The following MAGI3 variants were observed in gnomAD, a reference collection of about 807,000 sequenced individuals.
MAGI3 encodes the protein membrane-associated guanylate kinase, WW and PDZ domain-containing protein 3.
MAGI3 carries 43 observed loss-of-function variants against 121.8 expected under a neutral mutation model. The observed-to-expected ratio is 0.35, with a 90% confidence interval of 0.28 to 0.46. MAGI3 has a LOEUF of 0.46. Among genes scored for constraint, MAGI3 ranks in the 20% least tolerant of loss-of-function variants. The pLI is 1.00. For missense variants in MAGI3, 1,547 were observed against 1,797.3 expected (o/e 0.86, Z 2.52); for synonymous variants, 553 against 639.3 (o/e 0.86, Z 2.04).
chr1:113,409,840 C>T (rs1651884495), intron 1 of MAGI3, among the ~76,000 whole-genome samples: 1 of 152,080 alleles, frequency 6.6e-6, no homozygotes, highest in African/African-American at 2.4e-5. Context: ...TTATACTATA[C>T]TGATGTGAGG....
chr1:113,484,713 C>CTCCCTTCCCTTCACTTCCCT (rs1656287281), intron 1 of MAGI3, among the ~76,000 whole-genome samples: 1 of 17,694 alleles, frequency 5.7e-5, no homozygotes, highest in Non-Finnish European at 8.7e-5. Context: ...CTCCCCTCCC[C>CTCCCTTCCCTTCACTTCCCT]TCCCTTCCCT....
At chr1:113,516,151 A>G (rs1409230077) in intron 1 of MAGI3, among the ~76,000 whole-genome samples, 2 of 152,060 alleles carry the variant, frequency 1.3e-5, no homozygotes, top group Admixed American at 6.6e-5. Flanking sequence ...ATCAATATGT[A>G]TATAGTACAT....
intron 1 of MAGI3, among the ~76,000 whole-genome samples, chr1:113,416,572 A>G (rs1652462625): frequency 7.8e-6 from 1 of 128,096 alleles, no homozygotes; most frequent in Non-Finnish European, 1.8e-5. Context: ...CGTGGAAACC[A>G]TTAAAGGAAG....
At chr1:113,440,093 TA>T (rs1458845107) in intron 1 of MAGI3, among the ~76,000 whole-genome samples, 3 of 152,126 alleles carry the variant, frequency 2.0e-5, no homozygotes, top group African/African-American at 7.2e-5. Flanking sequence ...TTCCCCCCTT[TA>T]AAAAATGTGG....
At chr1:113,611,277 G>A (rs1230849722) in intron 6 of MAGI3, among the ~76,000 whole-genome samples, 1 of 151,732 alleles carries the variant, frequency 6.6e-6, no homozygotes, top group Non-Finnish European at 1.5e-5. Context: ...AGTAGAGATA[G>A]GGGTTTCACC....
At chr1:113,581,120 A>G (rs1423712133) in intron 3 of MAGI3, 4 of 152,348 alleles carry the variant, frequency 2.6e-5, no homozygotes, top group Non-Finnish European at 5.9e-5. Context: ...TGTTTCCTCT[A>G]CCCACTTGAT....
At chr1:113,565,217 A>G (rs1570871312) in intron 2 of MAGI3, among the ~76,000 whole-genome samples, 1 of 152,172 alleles carries the variant, frequency 6.6e-6, no homozygotes, top group Non-Finnish European at 1.5e-5. Context: ...TTGTTTGGTG[A>G]TAAATATGCC....
chr1:113,488,031 T>A (rs1656475204), intron 1 of MAGI3, among the ~76,000 whole-genome samples: 1 of 152,218 alleles, frequency 6.6e-6, no homozygotes, highest in African/African-American at 2.4e-5. Flanking sequence ...TGGAAGGATC[T>A]TCCTTAATTT....
intron 9 of MAGI3, among the ~76,000 whole-genome samples, chr1:113,636,433 C>T (rs373540884): frequency 1.3e-5 from 2 of 152,108 alleles, no homozygotes; most frequent in African/African-American, 4.8e-5. Context: ...TTGTGTCTTT[C>T]TTCTTGTTGG....
chr1:113,641,294 A>G (rs1384036682), intron 9 of MAGI3, among the ~76,000 whole-genome samples: 3 of 149,994 alleles, frequency 2.0e-5, no homozygotes, highest in Non-Finnish European at 3.0e-5. Flanking sequence ...GGGAATGAGG[A>G]CTTAGATCAT....
At chr1:113,426,369 T>C (rs1653006694) in intron 1 of MAGI3, among the ~76,000 whole-genome samples, 1 of 152,218 alleles carries the variant, frequency 6.6e-6, no homozygotes, top group African/African-American at 2.4e-5. Flanking sequence ...AGGTATATTC[T>C]GCTGTTGTTG....
intron 2 of MAGI3, among the ~76,000 whole-genome samples, chr1:113,553,995 G>A (rs1019007496): frequency 1.3e-5 from 2 of 152,322 alleles, no homozygotes; most frequent in Non-Finnish European, 2.9e-5. Flanking sequence ...GTGACAGAGC[G>A]AGACTACGTC....
chr1:113,630,278 G>T (rs914631165), intron 9 of MAGI3, among the ~76,000 whole-genome samples: 5 of 152,088 alleles, frequency 3.3e-5, no homozygotes, highest in African/African-American at 1.2e-4. Context: ...CACTGCTAAT[G>T]CTCACCTAAA....
chr1:113,638,738 A>G (rs4328072), intron 9 of MAGI3, among the ~76,000 whole-genome samples: 113,668 of 151,646 alleles, frequency 0.75, 43,342 homozygotes, highest in African/African-American at 0.85. Flanking sequence ...GCTGCGTGCT[A>G]GGAGAACCAC....
At chr1:113,509,232 T>C (rs867168891) in intron 1 of MAGI3, among the ~76,000 whole-genome samples, 20 of 152,174 alleles carry the variant, frequency 1.3e-4, no homozygotes, top group Admixed American at 1.0e-3. Flanking sequence ...AAAACCCCAC[T>C]AACAACCCTA....
rs147542865 is a variant in MAGI3, at chr1:113,440,679, G to A, written c.316+49330G>A. On this transcript the variant is annotated intron_variant, in intron 1 of 20. Transcript: ENST00000307546. Reference sequence around the variant, plus strand: ...TTCTTCTACTAGGGATGAGCACATTGCTCCCTCATATAAAGTTACAGAAGT... The same window carrying A: ...TTCTTCTACTAGGGATGAGCACATTACTCCCTCATATAAAGTTACAGAAGT... Among the ~76,000 whole-genome samples the A allele has an allele frequency of 9.9e-5, 15 of 152,248 alleles. No homozygotes were observed. In the East Asian group the frequency reaches 2.9e-3, roughly 29 times the overall value.
At chr1:113,417,445 G>C (rs975447445) in intron 1 of MAGI3, among the ~76,000 whole-genome samples, 1 of 152,056 alleles carries the variant, frequency 6.6e-6, no homozygotes, top group African/African-American at 2.4e-5. Flanking sequence ...ACAGGGTCTT[G>C]CTTTGTCACC....
intron 2 of MAGI3, among the ~76,000 whole-genome samples, chr1:113,551,376 G>A (rs1659781730): frequency 6.6e-6 from 1 of 152,118 alleles, no homozygotes; most frequent in Non-Finnish European, 1.5e-5. Context: ...CTATAGGAAA[G>A]GGAAAAAAAT....
At chr1:113,609,655 A>G (rs1482787069) in intron 6 of MAGI3, among the ~76,000 whole-genome samples, 2 of 152,218 alleles carry the variant, frequency 1.3e-5, no homozygotes, top group African/African-American at 2.4e-5. Flanking sequence ...TAAAAAAATT[A>G]TCAACTGAAT....
Sources: gnomAD v4.1 joint callset for allele counts (sites outside exome capture counted in the v4.1 genomes callset) on GRCh38, gnomAD v4.1.1 for gene constraint, MANE v1.5 for transcripts, NCBI Gene and HGNC (gene_info 2026-07-23, HGNC 2026-07-21) for gene names.